The following CPEB4 variants were observed in gnomAD, a reference collection of about 807,000 sequenced individuals.
CPEB4 encodes cytoplasmic polyadenylation element binding protein 4.
Under a neutral mutation model 72.5 loss-of-function variants are expected in CPEB4, and 12 were observed. The observed-to-expected ratio is 0.17, with a 90% confidence interval of 0.11 to 0.27. The LOEUF is 0.27. Ranked by LOEUF, CPEB4 falls within the 10% of genes least tolerant of loss-of-function variation. CPEB4 has a pLI of 1.00. For missense variants in CPEB4, 614 were observed against 908.5 expected (o/e 0.68, Z 4.17); for synonymous variants, 302 against 326.3 (o/e 0.93, Z 0.80).
At chr5:173,891,841 C>A (rs564020445) in intron 1 of CPEB4, among the ~76,000 whole-genome samples, 1 of 152,220 alleles carries the variant, frequency 6.6e-6, no homozygotes, top group South Asian at 2.1e-4. Context: ...AGCATTGAAT[C>A]TAGTTTTCCC....
At chr5:173,935,647 T>C (rs1177818457) in intron 3 of CPEB4, among the ~76,000 whole-genome samples, 1 of 152,226 alleles carries the variant, frequency 6.6e-6, no homozygotes, top group East Asian at 1.9e-4. Context: ...GACTCTCTGA[T>C]TTTTATTTTA....
intron 3 of CPEB4, among the ~76,000 whole-genome samples, chr5:173,941,245 A>T (rs1757829203): frequency 6.6e-6 from 1 of 152,210 alleles, no homozygotes; most frequent in South Asian, 2.1e-4. Flanking sequence ...GTAAACAAGC[A>T]TCTGCTTTGT....
chr5:173,945,769 A>G (rs953124951), intron 5 of CPEB4, among the ~76,000 whole-genome samples: 5 of 152,184 alleles, frequency 3.3e-5, no homozygotes, highest in Admixed American at 1.3e-4. Flanking sequence ...TTTCTTTTTA[A>G]TTAGGTGGAT....
At chr5:173,916,677 A>T (rs932263573) in intron 2 of CPEB4, among the ~76,000 whole-genome samples, 1 of 152,240 alleles carries the variant, frequency 6.6e-6, no homozygotes, top group Non-Finnish European at 1.5e-5. Context: ...TGTTTGAAAC[A>T]AATGCTTAAA....
In CPEB4 at chr5:173,957,015, C is replaced by T. The variant is rs1056734558; in HGVS notation, c.*878C>T. On this transcript the variant is annotated 3_prime_UTR_variant, in exon 10 of 10. Coordinates refer to ENST00000265085, the MANE Select transcript of CPEB4 (RefSeq NM_030627.4). ...TAATGACAACTGGTGGGAAACCTAG[C>T]ATTTCCTCTCCTGAAGAATAAATGT... is the stretch of plus-strand genomic sequence containing the variant. 1 of 152,644 alleles carries T rather than the reference C, an allele frequency of 6.6e-6. No homozygotes were observed. Among genetic ancestry groups the T allele is most frequent in the African/African-American group, 2.4e-5 (1 of 41,424 alleles). 9.5% of individuals were successfully genotyped at this position (152,644 alleles called of 1,614,324 possible). A position where few individuals can be genotyped will look rare whatever the true frequency, so the allele number is the denominator to read the frequency against.
intron 8 of CPEB4, among the ~76,000 whole-genome samples, 186 bp from the exon 9 acceptor site, chr5:173,952,905 C>T (rs936636810): frequency 6.6e-6 from 1 of 152,090 alleles, no homozygotes; most frequent in African/African-American, 2.4e-5. Flanking sequence ...ACCTAGCAAC[C>T]CCTTGCCCAC....
chr5:173,888,430 G>GCAGCAGCGGCGA lies in CPEB4; in HGVS notation c.-1297_-1286dup, dbSNP rs1755686055. The stretch of plus-strand genomic sequence containing the variant: ...GGAGGCGGTGGCGGCGGCGGCGGCG[G>GCAGCAGCGGCGA]CAGCAGCGGCGACAGCAGAGGAGGA... On this transcript the variant is annotated 5_prime_UTR_variant, in exon 1 of 10. Transcript: ENST00000265085. The surrounding 1 kb of genome is among the most constrained non-coding windows in gnomAD (Gnocchi z 4.3). 1 of 459,476 alleles carries GCAGCAGCGGCGA rather than the reference G, an allele frequency of 2.2e-6. No homozygotes were observed. The highest frequency in any genetic ancestry group is 4.1e-5 in the Admixed American group (1 of 24,246). 28.5% of individuals were successfully genotyped at this position (459,476 alleles called of 1,614,324 possible).
At chr5:173,949,308 A>G (rs1411808205) in intron 5 of CPEB4, among the ~76,000 whole-genome samples, 200 bp from the exon 6 acceptor site, 1 of 152,198 alleles carries the variant, frequency 6.6e-6, no homozygotes, top group South Asian at 2.1e-4. Flanking sequence ...ATGTACAGAT[A>G]GAGGGAGAAA....
chr5:173,918,219 T>C (rs1296408882), intron 2 of CPEB4: 1 of 152,230 alleles, frequency 6.6e-6, no homozygotes, highest in Non-Finnish European at 1.5e-5. Flanking sequence ...TTGGCTTAGC[T>C]GTGCTGTAGG....
At chr5:173,911,917 TATC>T (rs879721118) in intron 2 of CPEB4, among the ~76,000 whole-genome samples, 1 of 152,168 alleles carries the variant, frequency 6.6e-6, no homozygotes, top group African/African-American at 2.4e-5. Context: ...GAGTTTGGCT[TATC>T]ATGTTACTGA....
Position 173,955,912 on chromosome 5 carries a change from G to A in CPEB4, c.1965G>A (p.Val655=), listed in dbSNP as rs199562365. 2.7e-5 allele frequency: 44 copies of A among 1,608,362 alleles called. No homozygotes were observed. Among genetic ancestry groups the A allele is most frequent in the Admixed American group, 1.7e-5 (1 of 59,736 alleles). ...TAAACTCTTATTTTTGATTGCAGGT[G>A]GAAGTTAAGCCATATGTCTTGGATG... is the stretch of plus-strand genomic sequence containing the variant. ...QLQHGEIDKR[V]EVKPYVLDDQ... is the part of the protein sequence containing the mutation. The change falls in exon 10 of 10, where the codon GTG becomes GTA. Residue 655 remains valine (V), a splice_region_variant and synonymous_variant. Transcript: ENST00000265085. This position sits in a 1 kb window ranked among gnomAD's most constrained non-coding sequence, Gnocchi z 4.7.
chr5:173,897,690 A>C (rs770255992), intron 1 of CPEB4, among the ~76,000 whole-genome samples: 1 of 152,234 alleles, frequency 6.6e-6, no homozygotes, highest in African/African-American at 2.4e-5. Flanking sequence ...GCTATAACAA[A>C]AAATTGTATA....
Position 173,900,211 on chromosome 5 carries a change from G to T in CPEB4, c.1125+9353G>T, listed in dbSNP as rs1039022004. On this transcript the variant is annotated intron_variant, in intron 1 of 9. Transcript: ENST00000265085. The surrounding 1 kb of genome is among the most constrained non-coding windows in gnomAD (Gnocchi z 4.4). ...ACCTGAGGTCGGGAGTTCGAGACCA[G>T]CCTGACCAATATGGAGAAACCCCAT... Among the ~76,000 whole-genome samples the T allele has an allele frequency of 3.3e-5, 5 of 152,050 alleles. No homozygotes were observed. Among genetic ancestry groups the T allele is most frequent in the African/African-American group, 1.2e-4 (5 of 41,400 alleles).
rs186091247 is a variant in CPEB4, at chr5:173,900,288, C to A, written c.1125+9430C>A. On this transcript the variant is annotated intron_variant, in intron 1 of 9. Transcript: ENST00000265085. The surrounding 1 kb of genome is among the most constrained non-coding windows in gnomAD (Gnocchi z 4.4). ...GGTGTGGTGGCGGGCGCCTGTAGTC[C>A]CAGCTATTCTGGAGGCTGAGGCAGA... 3.8e-4 allele frequency among the ~76,000 whole-genome samples: 58 copies of A among 152,196 alleles called. No individual in the cohort carries two copies. The highest frequency in any genetic ancestry group is 6.8e-4 in the Non-Finnish European group (46 of 68,000).
At chr5:173,937,180 T>A (rs990632259) in intron 3 of CPEB4, among the ~76,000 whole-genome samples, 6 of 151,912 alleles carry the variant, frequency 3.9e-5, no homozygotes, top group Admixed American at 6.6e-5. Context: ...GTAGCTGAGA[T>A]TACAGGCACC....
chr5:173,892,102 A>G lies in CPEB4; in HGVS notation c.1125+1244A>G, dbSNP rs373924585. ...CTGAAACAGATTATAGAATCATTGC[A>G]CTGTTCCCAAATACGATGTTAGCCC... On this transcript the variant is annotated intron_variant, in intron 1 of 9. Transcript: ENST00000265085. Among the ~76,000 whole-genome samples, 79 of 152,246 alleles carry G rather than the reference A, an allele frequency of 5.2e-4. 1 individual carries two copies. Among genetic ancestry groups the G allele is most frequent in the Middle Eastern group, 6.8e-3 (2 of 294 alleles).
chr5:173,904,750 C>T (rs1310293814), intron 1 of CPEB4, among the ~76,000 whole-genome samples: 2 of 151,948 alleles, frequency 1.3e-5, no homozygotes, highest in Non-Finnish European at 2.9e-5. Flanking sequence ...CTAAACTATG[C>T]AGTAACCAAT....
chr5:173,927,089 T>C (rs1757268668), intron 2 of CPEB4, among the ~76,000 whole-genome samples: 1 of 151,994 alleles, frequency 6.6e-6, no homozygotes, highest in African/African-American at 2.4e-5. Context: ...AGGCGGAGGT[T>C]GCAGTGAGCC....
chr5:173,893,020 TGTGTGTGTGTGTGTGTGAGA>T, intron 1 of CPEB4: 1 of 145,138 alleles, frequency 6.9e-6, no homozygotes, highest in African/African-American at 2.7e-5. Flanking sequence ...TGTGTGTGTG[TGTGTGTGTGTGTGTGTGAGA>T]GAGAGAGAGA....
Sources: allele counts gnomAD v4.1 joint callset (sites outside exome capture counted in the v4.1 genomes callset), GRCh38; gene constraint gnomAD v4.1.1; non-coding constraint Gnocchi (gnomAD v3.1); transcripts MANE v1.5; gene names NCBI Gene and HGNC (gene_info 2026-07-23, HGNC 2026-07-21).